RASEF: variants seen among roughly 807,000 people sequenced by gnomAD.
RASEF encodes RAS and EF-hand domain containing, also known as ras and EF-hand domain-containing protein.
In RASEF, 68 loss-of-function variants were observed where a neutral mutation model predicts 90.1. The ratio of observed to expected loss-of-function variants is 0.75; its 90% CI spans 0.62 to 0.92. RASEF has a LOEUF of 0.92. Among genes scored for constraint, RASEF ranks in the 40% least tolerant of loss-of-function variants. RASEF has a pLI of 0.00. For synonymous variants in RASEF, 331 were observed against 345.2 expected, an observed-to-expected ratio of 0.96 and a Z score of 0.46; for missense variants, 949 against 937.2, an observed-to-expected ratio of 1.01 and a Z score of -0.16.
intron 1 of RASEF, among the ~76,000 whole-genome samples, chr9:83,032,666 A>G (rs551538921): frequency 7.8e-4 from 119 of 152,342 alleles, no homozygotes; most frequent in Middle Eastern, 3.4e-3. Flanking sequence ...GCAATGGCTA[A>G]TTACTGATGA....
intron 5 of RASEF, among the ~76,000 whole-genome samples, chr9:83,011,575 A>C (rs1364464669): frequency 6.6e-6 from 1 of 150,680 alleles, no homozygotes; most frequent in Non-Finnish European, 1.5e-5. Flanking sequence ...AAAAAAAAAA[A>C]ACTGAAATTT....
the RASEF span, among the ~76,000 whole-genome samples, chr9:83,149,769 C>T: frequency 6.6e-6 from 1 of 152,196 alleles, no homozygotes; most frequent in African/African-American, 2.4e-5. Flanking sequence ...GTTTTTAACA[C>T]CCCCTCTTCT....
chr9:83,201,499 A>G, the RASEF span, among the ~76,000 whole-genome samples: 2 of 152,202 alleles, frequency 1.3e-5, no homozygotes, highest in Non-Finnish European at 2.9e-5. Flanking sequence ...TAACCAATCT[A>G]GTGCTATTTC....
At chr9:83,126,595 G>A in the RASEF span, among the ~76,000 whole-genome samples, 2 of 152,026 alleles carry the variant, frequency 1.3e-5, no homozygotes, top group Non-Finnish European at 2.9e-5. Flanking sequence ...TCCTATTACT[G>A]CTTCAGGCAG....
At chr9:83,075,853 A>G in the RASEF span, among the ~76,000 whole-genome samples, 21 of 152,236 alleles carry the variant, frequency 1.4e-4, no homozygotes, top group African/African-American at 4.6e-4. Context: ...GACAAACTAG[A>G]TAAGTCAGAA....
At chr9:82,992,661 C>T (rs1292561119) in intron 15 of RASEF, among the ~76,000 whole-genome samples, 1 of 152,134 alleles carries the variant, frequency 6.6e-6, no homozygotes, top group Non-Finnish European at 1.5e-5. Flanking sequence ...GGGTTCCTTT[C>T]TGTCAATGAT....
At chr9:83,119,817 G>C in the RASEF span, among the ~76,000 whole-genome samples, 1 of 152,172 alleles carries the variant, frequency 6.6e-6, no homozygotes, top group Non-Finnish European at 1.5e-5. Flanking sequence ...AGATCTGATA[G>C]TAGCTATTTC....
At chr9:83,042,262 T>G (rs2118644428) in intron 1 of RASEF, among the ~76,000 whole-genome samples, 1 of 152,322 alleles carries the variant, frequency 6.6e-6, no homozygotes, top group Non-Finnish European at 1.5e-5. Flanking sequence ...GTCATAAAGT[T>G]ATTACAATAA....
upstream of RASEF, among the ~76,000 whole-genome samples, chr9:83,066,120 T>G (rs1213319394): frequency 6.6e-6 from 1 of 152,180 alleles, no homozygotes; most frequent in Non-Finnish European, 1.5e-5. Context: ...AGATCAAATA[T>G]TTCACCCTTT....
At chr9:83,008,891 CATATATATATATATATA>C (rs1434350230) in intron 6 of RASEF, among the ~76,000 whole-genome samples, 17 of 19,560 alleles carry the variant, frequency 8.7e-4, no homozygotes, top group East Asian at 5.9e-3. Context: ...AAGTTCTCAT[CATATATATATATATATA>C]TATATATATA....
intron 1 of RASEF, among the ~76,000 whole-genome samples, chr9:83,036,499 AC>A (rs1330559973): frequency 1.3e-5 from 2 of 152,174 alleles, no homozygotes; most frequent in African/African-American, 2.4e-5. Flanking sequence ...CAGTGAGTTG[AC>A]CTTTTTTATA....
intron 2 of RASEF, among the ~76,000 whole-genome samples, chr9:83,024,273 C>T (rs951803039): frequency 1.3e-5 from 2 of 152,172 alleles, no homozygotes; most frequent in African/African-American, 4.8e-5. Flanking sequence ...ATATGATGTA[C>T]TCACTCCACC....
At chr9:83,122,282 TGG>T in the RASEF span, among the ~76,000 whole-genome samples, 1 of 152,210 alleles carries the variant, frequency 6.6e-6, no homozygotes, top group African/African-American at 2.4e-5. Context: ...AACTCCTGTG[TGG>T]TTAAAACCAA....
upstream of RASEF, among the ~76,000 whole-genome samples, chr9:83,065,039 G>C (rs1051682504): frequency 6.6e-6 from 1 of 152,180 alleles, no homozygotes; most frequent in African/African-American, 2.4e-5. Context: ...CTGCACTCCA[G>C]CCTGGGCAAC....
the RASEF span, among the ~76,000 whole-genome samples, chr9:83,094,940 A>G: frequency 0.017 from 2,513 of 152,300 alleles, 66 homozygotes; most frequent in African/African-American, 0.057. Flanking sequence ...CCTCACGTCC[A>G]AGCATACGTG....
the RASEF span, among the ~76,000 whole-genome samples, chr9:83,206,338 A>T: frequency 6.6e-6 from 1 of 152,240 alleles, no homozygotes; most frequent in Admixed American, 6.5e-5. Flanking sequence ...CAAACTGGAA[A>T]GGCAAATTTC....
intron 3 of RASEF, among the ~76,000 whole-genome samples, chr9:83,019,368 A>T (rs949310657): frequency 1.3e-5 from 2 of 152,214 alleles, no homozygotes; most frequent in African/African-American, 4.8e-5. Flanking sequence ...CCACGAAAAG[A>T]TCCTCCACAC....
At chr9:82,999,801 G>A (rs539393703) in intron 12 of RASEF, among the ~76,000 whole-genome samples, 7 of 151,920 alleles carry the variant, frequency 4.6e-5, no homozygotes, top group Admixed American at 3.3e-4. Context: ...ATGGGGTTTC[G>A]CCATGTTGGC....
the RASEF span, among the ~76,000 whole-genome samples, chr9:83,205,898 C>G: frequency 1.3e-5 from 2 of 152,132 alleles, no homozygotes; most frequent in Non-Finnish European, 2.9e-5. Flanking sequence ...CTAGGACCTC[C>G]TATAGCTGGT....
Sources: gnomAD v4.1 joint callset for allele counts (sites outside exome capture counted in the v4.1 genomes callset) on GRCh38, gnomAD v4.1.1 for gene constraint, MANE v1.5 for transcripts, NCBI Gene and HGNC (gene_info 2026-07-23, HGNC 2026-07-21) for gene names.